The following TENM1 variants were observed in gnomAD, a reference collection of about 807,000 sequenced individuals.
The protein encoded by TENM1 is teneurin transmembrane protein 1.
TENM1 carries 35 observed loss-of-function variants against 174.8 expected under a neutral mutation model. The observed-to-expected ratio is 0.20, with a 90% CI of 0.15 to 0.27. TENM1 has a LOEUF of 0.27. Ranked by LOEUF, TENM1 falls within the 10% of genes least tolerant of loss-of-function variation. The probability of loss-of-function intolerance (pLI) is 1.00; values close to 1 mark genes in which losing one functional copy is unlikely to be tolerated. For missense variants in TENM1, 1,633 were observed against 2,130.1 expected (o/e 0.77, Z 4.59); for synonymous variants, 781 against 798.7 (o/e 0.98, Z 0.37).
At chrX:125,129,124 G>A in the TENM1 span, among the ~76,000 whole-genome samples, 1 of 111,684 alleles carries the variant, frequency 9.0e-6, no homozygotes, top group East Asian at 2.8e-4. Flanking sequence ...AGTTGTCTAC[G>A]AGCCAGGACA....
intron 23 of TENM1, among the ~76,000 whole-genome samples, chrX:124,452,382 A>C (rs1393586961): frequency 1.8e-5 from 2 of 112,197 alleles, no homozygotes; most frequent in Non-Finnish European, 3.8e-5. Flanking sequence ...CAGGTGCTGG[A>C]GAGGATGTGG....
At chrX:124,463,333 G>A in intron 22 of TENM1, among the ~76,000 whole-genome samples, 1 of 112,015 alleles carries the variant, frequency 8.9e-6, no homozygotes. Context: ...AAGAGCCAAT[G>A]AAATGAAAGG....
At chrX:124,543,182 C>T (rs992948847) in intron 15 of TENM1, among the ~76,000 whole-genome samples, 3 of 112,484 alleles carry the variant, frequency 2.7e-5, no homozygotes, top group South Asian at 3.7e-4. Context: ...CCACCTATGC[C>T]GTGCCCATGC....
At chrX:124,406,472 T>C in exon 26 of TENM1, 1 of 1,205,066 alleles carries the variant, frequency 8.3e-7, no homozygotes, top group Non-Finnish European at 1.1e-6. Flanking sequence ...ATTGGTCAGG[T>C]GTCCCTCGGG....
chrX:124,553,331 C>T (rs1280668180), intron 14 of TENM1, among the ~76,000 whole-genome samples: 1 of 108,772 alleles, frequency 9.2e-6, no homozygotes, highest in African/African-American at 3.4e-5. Context: ...GAAACCCTGT[C>T]TCTACTAAAA....
chrX:124,415,917 T>A (rs187536870), intron 25 of TENM1, among the ~76,000 whole-genome samples: 1 of 111,471 alleles, frequency 9.0e-6, no homozygotes, highest in East Asian at 2.8e-4. Context: ...CCCTCTATAT[T>A]AGATCATTTT....
At chrX:124,391,163 T>G (rs1338635929) in intron 28 of TENM1, among the ~76,000 whole-genome samples, 2 of 111,978 alleles carry the variant, frequency 1.8e-5, no homozygotes, top group African/African-American at 6.5e-5. Flanking sequence ...TAGGGAAATC[T>G]GTCATGTGAG....
chrX:124,420,960 G>T, intron 24 of TENM1, 139 bp from the exon 28 acceptor site: 1 of 540,806 alleles, frequency 1.8e-6, no homozygotes, highest in Non-Finnish European at 2.9e-6. Flanking sequence ...TTCCCTCCCT[G>T]AAAAATATGA....
chrX:124,543,409 C>T (rs746662978), intron 15 of TENM1, among the ~76,000 whole-genome samples: 1 of 112,083 alleles, frequency 8.9e-6, no homozygotes, highest in East Asian at 2.8e-4. Flanking sequence ...TTGGTTAGAC[C>T]TTGCTGTCAG....
chrX:124,772,573 AG>A (rs989193240), intron 3 of TENM1, among the ~76,000 whole-genome samples: 8 of 112,250 alleles, frequency 7.1e-5, no homozygotes, highest in Middle Eastern at 4.2e-3. Flanking sequence ...GCATATAAAA[AG>A]TGTAAACATT....
At chrX:124,548,273 T>C (rs1429775917) in intron 14 of TENM1, among the ~76,000 whole-genome samples, 1 of 111,640 alleles carries the variant, frequency 9.0e-6, no homozygotes, top group Non-Finnish European at 1.9e-5. Context: ...GCTTTGTTCT[T>C]TGGTAGAGAA....
At chrX:124,587,538 T>A (rs1356245880) in intron 11 of TENM1, among the ~76,000 whole-genome samples, 1 of 110,851 alleles carries the variant, frequency 9.0e-6, no homozygotes, top group Non-Finnish European at 1.9e-5. Context: ...AAAAACTAAT[T>A]CAAGATGGAT....
chrX:125,111,941 A>G, the TENM1 span, among the ~76,000 whole-genome samples: 1 of 111,785 alleles, frequency 8.9e-6, no homozygotes, highest in African/African-American at 3.2e-5. Context: ...GTCCCAGTTT[A>G]GGCATCACCT....
At chrX:124,650,578 A>G (rs1012773397) in intron 8 of TENM1, among the ~76,000 whole-genome samples, 8 of 111,704 alleles carry the variant, frequency 7.2e-5, no homozygotes, top group African/African-American at 2.3e-4. Flanking sequence ...AAGAGTAAGA[A>G]TAATAGGAAG....
chrX:125,052,098 T>A, the TENM1 span, among the ~76,000 whole-genome samples: 2 of 112,237 alleles, frequency 1.8e-5, no homozygotes, highest in East Asian at 5.6e-4. Context: ...GAAAAAATGC[T>A]CATCATCATT....
the TENM1 span, among the ~76,000 whole-genome samples, chrX:125,083,654 A>C: frequency 9.0e-6 from 1 of 111,672 alleles, no homozygotes; most frequent in East Asian, 2.8e-4. Flanking sequence ...GAACAGCCCT[A>C]ATTTCAGAGA....
At chrX:125,181,386 A>G in the TENM1 span, among the ~76,000 whole-genome samples, 9 of 111,564 alleles carry the variant, frequency 8.1e-5, no homozygotes, top group African/African-American at 2.9e-4. Context: ...AAAAAGGAAG[A>G]AAAGGAGAAG....
chrX:125,156,739 T>C, the TENM1 span, among the ~76,000 whole-genome samples: 1 of 112,091 alleles, frequency 8.9e-6, no homozygotes, highest in East Asian at 2.8e-4. Context: ...TGTGTCCTTA[T>C]GGTAGAACGA....
chrX:124,879,657 A>AT (rs1235364033), intron 3 of TENM1, among the ~76,000 whole-genome samples: 1 of 111,762 alleles, frequency 8.9e-6, no homozygotes, highest in African/African-American at 3.3e-5. Context: ...GCTGGATCCT[A>AT]TAGTAGTTCT....
Sources: allele counts gnomAD v4.1 joint callset (sites outside exome capture counted in the v4.1 genomes callset), GRCh38; gene constraint gnomAD v4.1.1; transcripts MANE v1.5; gene names NCBI Gene and HGNC (gene_info 2026-07-23, HGNC 2026-07-21).